Variants in PDE10A observed in about 807,000 individuals in gnomAD.
PDE10A encodes the protein cAMP and cAMP-inhibited cGMP 3',5'-cyclic phosphodiesterase 10A.
Under a neutral mutation model 97.7 loss-of-function variants are expected in PDE10A, and 39 were observed. That is an observed-to-expected ratio of 0.40 (90% confidence interval 0.31 to 0.52). The LOEUF is 0.52. Ranked by LOEUF, PDE10A falls within the 20% of genes least tolerant of loss-of-function variation. The pLI, the probability that PDE10A is intolerant of heterozygous loss-of-function variation, is 0.56. For synonymous variants in PDE10A, 371 were observed against 376.8 expected (o/e 0.98, Z 0.18); for missense variants, 731 against 1,047.8 (o/e 0.70, Z 4.17).
chr6:165,918,797 G>C (rs1161892781), intron 1 of PDE10A, among the ~76,000 whole-genome samples: 1 of 151,974 alleles, frequency 6.6e-6, no homozygotes, highest in East Asian at 1.9e-4. Context: ...TCTTCCTCTC[G>C]GGGGTGTCAG....
At chr6:165,403,279 T>C (rs7775454) in intron 13 of PDE10A, among the ~76,000 whole-genome samples, 9,154 of 152,240 alleles carry the variant, frequency 0.06, 952 homozygotes, top group African/African-American at 0.21. Context: ...CAAGAGAGTC[T>C]ACTTTTCTGT....
At chr6:165,930,552 T>G (rs574396276) in intron 1 of PDE10A, among the ~76,000 whole-genome samples, 5 of 152,216 alleles carry the variant, frequency 3.3e-5, no homozygotes, top group Non-Finnish European at 5.9e-5. Context: ...CAAGTCATAC[T>G]TTTTCCTTCA....
intron 1 of PDE10A, among the ~76,000 whole-genome samples, chr6:165,976,165 C>T (rs1784839542): frequency 6.6e-6 from 1 of 152,132 alleles, no homozygotes; most frequent in African/African-American, 2.4e-5. Flanking sequence ...TACATTTTGA[C>T]ATTCATAATG....
intron 1 of PDE10A, among the ~76,000 whole-genome samples, chr6:165,924,374 G>C (rs1201083950): frequency 6.6e-6 from 1 of 152,032 alleles, no homozygotes; most frequent in East Asian, 1.9e-4. Context: ...TTCCTATGTT[G>C]GATGGAATAT....
In PDE10A at chr6:165,577,875, C is replaced by T. The variant is rs545697807; in HGVS notation, c.866-34307G>A. 1.1e-3 allele frequency among the ~76,000 whole-genome samples: 162 copies of T among 152,278 alleles called. 1 individual carries two copies. The highest frequency in any genetic ancestry group is 3.6e-3 in the African/African-American group (148 of 41,562). ...CTACAGCTGGGGAGGGCCCGAGACC[C>T]GAGTCCAGCAGCTAGAGGACACAAT... On this transcript the variant is annotated intron_variant, in intron 1 of 21. Coordinates refer to ENST00000539869, the MANE Select transcript of PDE10A (RefSeq NM_001385079.1).
At position 165,582,649 on chromosome 6, in the gene PDE10A, T is replaced by C. The variant is rs547146143; in HGVS notation, c.866-39081A>G. On this transcript the variant is annotated intron_variant, in intron 1 of 21. Transcript: ENST00000539869. Reference sequence around the variant, plus strand: ...TAACTATACACCAAAAGAAACACCATGGATTCAAGGGTCATGAGAACAAAC... The same window carrying C: ...TAACTATACACCAAAAGAAACACCACGGATTCAAGGGTCATGAGAACAAAC... 6.1e-4 allele frequency among the ~76,000 whole-genome samples: 92 copies of C among 151,256 alleles called. 1 individual carries two copies. The highest frequency in any genetic ancestry group is 1.1e-3 in the Non-Finnish European group (75 of 67,818).
intron 1 of PDE10A, among the ~76,000 whole-genome samples, chr6:165,810,299 G>A (rs773531658): frequency 2.0e-5 from 3 of 152,164 alleles, no homozygotes; most frequent in Non-Finnish European, 2.9e-5. Context: ...AGTAGAATCC[G>A]ATCTGTTGAA....
chr6:165,601,115 G>C (rs1473796228), intron 1 of PDE10A, among the ~76,000 whole-genome samples: 1 of 152,184 alleles, frequency 6.6e-6, no homozygotes, highest in East Asian at 1.9e-4. Flanking sequence ...TCATGATAGA[G>C]AATAAGTCTC....
Position 165,418,844 on chromosome 6 carries a change from T to C in PDE10A, c.1654-67A>G. 7.5e-7 allele frequency: 1 copy of C among 1,341,450 alleles called. No homozygotes were observed. The highest frequency in any genetic ancestry group is 1.1e-6 in the Non-Finnish European group (1 of 951,464). The allele number at this position is 1,341,450 out of a possible 1,614,324, so 83.1% of individuals were successfully genotyped here. On this transcript the variant is annotated intron_variant, in intron 10 of 21. Transcript: ENST00000539869. This position sits in a 1 kb window ranked among gnomAD's most constrained non-coding sequence, Gnocchi z 4.8. ...TCAAAGAACTTGCAGGTAAACTTTA[T>C]CATAAAATAAGTATTAATTTCAGCT...
chr6:165,631,320 C>T (rs550873648), intron 1 of PDE10A, among the ~76,000 whole-genome samples: 2 of 152,278 alleles, frequency 1.3e-5, no homozygotes, highest in East Asian at 1.9e-4. Context: ...CGTATGTATA[C>T]AACAATTGTT....
At chr6:165,635,871 G>A (rs1489706104) in intron 1 of PDE10A, among the ~76,000 whole-genome samples, 2 of 152,208 alleles carry the variant, frequency 1.3e-5, no homozygotes, top group African/African-American at 4.8e-5. Context: ...AGAAACAGAA[G>A]ATTCCATTCT....
chr6:165,631,576 T>C (rs574691530), intron 1 of PDE10A, among the ~76,000 whole-genome samples: 1 of 152,234 alleles, frequency 6.6e-6, no homozygotes, highest in African/African-American at 2.4e-5. Context: ...TTCAGTAAAA[T>C]TAGTATGTCA....
chr6:165,930,636 T>C (rs1783102987), intron 1 of PDE10A, among the ~76,000 whole-genome samples: 1 of 152,228 alleles, frequency 6.6e-6, no homozygotes, highest in Non-Finnish European at 1.5e-5. Context: ...GTGCACGCCT[T>C]GCCCAAAGGC....
intron 1 of PDE10A, among the ~76,000 whole-genome samples, chr6:165,794,400 C>A (rs1778766362): frequency 6.6e-6 from 1 of 151,386 alleles, no homozygotes; most frequent in Admixed American, 6.6e-5. Flanking sequence ...CACATGCTCA[C>A]ACTCATCACA....
At chr6:165,644,846 G>A (rs768025846) in intron 1 of PDE10A, among the ~76,000 whole-genome samples, 2 of 152,314 alleles carry the variant, frequency 1.3e-5, no homozygotes, top group South Asian at 4.1e-4. Context: ...AAGCATGGAC[G>A]GTCATGAGCA....
At chr6:165,840,924 T>C (rs1253837487) in intron 1 of PDE10A, among the ~76,000 whole-genome samples, 1 of 152,234 alleles carries the variant, frequency 6.6e-6, no homozygotes, top group African/African-American at 2.4e-5. Context: ...GCACCCCATT[T>C]TGGGGATGGC....
chr6:165,342,771 T>C (rs995234233), intron 19 of PDE10A, among the ~76,000 whole-genome samples: 1 of 152,234 alleles, frequency 6.6e-6, no homozygotes, highest in Non-Finnish European at 1.5e-5. Context: ...AATGATATTC[T>C]ACTTACTTAC....
chr6:165,862,889 A>G (rs1358181650), intron 1 of PDE10A, among the ~76,000 whole-genome samples: 1 of 152,218 alleles, frequency 6.6e-6, no homozygotes, highest in South Asian at 2.1e-4. Context: ...CCTGTTGGCC[A>G]GGCTGGTCTC....
intron 12 of PDE10A, among the ~76,000 whole-genome samples, chr6:165,414,435 G>C (rs1788158562): frequency 6.6e-6 from 1 of 152,144 alleles, no homozygotes; most frequent in African/African-American, 2.4e-5. Flanking sequence ...TTCAGAGCCT[G>C]GCTTCTCTCA....
Sources: gnomAD v4.1 joint callset for allele counts (sites outside exome capture counted in the v4.1 genomes callset) on GRCh38, gnomAD v4.1.1 for gene constraint, Gnocchi (gnomAD v3.1) non-coding constraint, MANE v1.5 for transcripts, NCBI Gene and HGNC (gene_info 2026-07-23, HGNC 2026-07-21) for gene names.